The following THADA variants were observed in gnomAD, a reference collection of about 807,000 sequenced individuals.
The protein encoded by THADA is THADA armadillo repeat containing.
Under a neutral mutation model 219.8 loss-of-function variants are expected in THADA, and 213 were observed. The observed-to-expected ratio is 0.97, with a 90% confidence interval of 0.87 to 1.09. THADA has a LOEUF of 1.09. Ranked by LOEUF, THADA falls within the 50% of genes least tolerant of loss-of-function variation. The probability of loss-of-function intolerance (pLI) is 0.00; values close to 1 mark genes in which losing one functional copy is unlikely to be tolerated. For synonymous variants in THADA, 1,018 were observed against 828.9 expected, an observed-to-expected ratio of 1.23 and a Z score of -3.92; for missense variants, 2,956 against 2,311.3, an observed-to-expected ratio of 1.28 and a Z score of -5.72.
chr2:43,576,674 A>C (rs1699888198), intron 10 of THADA, among the ~76,000 whole-genome samples: 1 of 152,168 alleles, frequency 6.6e-6, no homozygotes, highest in Non-Finnish European at 1.5e-5. Flanking sequence ...TATTTTTTTA[A>C]GACAGGATCT....
At chr2:43,514,734 G>A (rs545394489) in intron 22 of THADA, among the ~76,000 whole-genome samples, 12 of 74,422 alleles carry the variant, frequency 1.6e-4, no homozygotes, top group South Asian at 1.3e-3. Context: ...TATATAATAT[G>A]TATAATATAT....
In THADA at chr2:43,320,504, A is replaced by C; in HGVS notation, c.4380T>G (p.Ile1460Met). The change falls in exon 31 of 38, where the codon ATT (isoleucine) becomes ATG (methionine). Residue 1460 changes from isoleucine (I) to methionine (M), a missense_variant. Coordinates refer to ENST00000405975, the MANE Select transcript of THADA (RefSeq NM_022065.5). Reference sequence around the variant, plus strand: ...AGCAAGTCAATAGGAAGAGAATATCAATATATACAGCTCTGGTCACCAAAC... The same window carrying C: ...AGCAAGTCAATAGGAAGAGAATATCCATATATACAGCTCTGGTCACCAAAC... ...NPCLVTRAVY[I>M]DILFLLTCCL... The C allele has an allele frequency of 6.2e-7, 1 of 1,613,674 alleles. No homozygotes were observed. Among genetic ancestry groups the C allele is most frequent in the Non-Finnish European group, 8.5e-7 (1 of 1,179,720 alleles).
At chr2:43,367,182 A>G (rs1670255317) in intron 29 of THADA, among the ~76,000 whole-genome samples, 1 of 152,184 alleles carries the variant, frequency 6.6e-6, no homozygotes, top group South Asian at 2.1e-4. Context: ...GCTGAGAGAA[A>G]GGAGAAATAG....
Position 43,592,408 on chromosome 2 carries a change from T to A in THADA, c.-16A>T, listed in dbSNP as rs148759092. On this transcript the variant is annotated 5_prime_UTR_variant, in exon 2 of 38. Transcript: ENST00000405975. Reference sequence around the variant, plus strand: ...TTACACCCATTTTAAATAGAATTAATAGTAGTCACTGCAAGAAAGAAGACT... The same window carrying A: ...TTACACCCATTTTAAATAGAATTAAAAGTAGTCACTGCAAGAAAGAAGACT... The A allele has an allele frequency of 9.0e-6, 14 of 1,551,476 alleles. No individual in the cohort carries two copies. Among genetic ancestry groups the A allele is most frequent in the Non-Finnish European group, 1.2e-5 (14 of 1,135,182 alleles).
At chr2:43,472,349 G>A (rs1015142183) in intron 26 of THADA, among the ~76,000 whole-genome samples, 1 of 152,224 alleles carries the variant, frequency 6.6e-6, no homozygotes, top group East Asian at 1.9e-4. Flanking sequence ...TGGTGGCACT[G>A]CAGACAGCCC....
intron 30 of THADA, among the ~76,000 whole-genome samples, chr2:43,329,886 G>A (rs937492039): frequency 1.3e-5 from 2 of 152,228 alleles, no homozygotes; most frequent in Admixed American, 6.5e-5. Context: ...TATGTTGATA[G>A]AGACTTCGTT....
At chr2:43,303,059 C>T (rs975792007) in intron 31 of THADA, among the ~76,000 whole-genome samples, 1 of 152,128 alleles carries the variant, frequency 6.6e-6, no homozygotes, top group Non-Finnish European at 1.5e-5. Context: ...TGAATTACAG[C>T]TTTGGAGAAG....
chr2:43,499,472 G>A (rs1051028257), intron 24 of THADA, among the ~76,000 whole-genome samples: 1 of 152,096 alleles, frequency 6.6e-6, no homozygotes, highest in African/African-American at 2.4e-5. Flanking sequence ...CACCTCCCAG[G>A]TTCAAGCGAT....
At chr2:43,308,212 G>A (rs1677079671) in intron 31 of THADA, among the ~76,000 whole-genome samples, 1 of 151,982 alleles carries the variant, frequency 6.6e-6, no homozygotes, top group African/African-American at 2.4e-5. Context: ...GAGAACAGTA[G>A]TACGTTATAC....
At chr2:43,531,524 A>G (rs959500000) in intron 21 of THADA, among the ~76,000 whole-genome samples, 9 of 152,240 alleles carry the variant, frequency 5.9e-5, no homozygotes, top group Non-Finnish European at 1.3e-4. Context: ...TTGGCAGTGT[A>G]GTCCATGAGC....
At chr2:43,573,140 T>C (rs913324191) in intron 11 of THADA, 148 bp from the exon 12 acceptor site, 1 of 638,388 alleles carries the variant, frequency 1.6e-6, no homozygotes, top group Non-Finnish European at 2.4e-6. Flanking sequence ...TTAAAGTTCC[T>C]ATTCTAAAAT....
At chr2:43,537,029 C>G (rs1004896876) in intron 21 of THADA, among the ~76,000 whole-genome samples, 1 of 152,178 alleles carries the variant, frequency 6.6e-6, no homozygotes, top group Non-Finnish European at 1.5e-5. Flanking sequence ...TCTAATTTCA[C>G]TTTGGTTAAA....
At chr2:43,540,514 A>G (rs1251872637) in intron 21 of THADA, among the ~76,000 whole-genome samples, 3 of 152,230 alleles carry the variant, frequency 2.0e-5, no homozygotes, top group African/African-American at 4.8e-5. Flanking sequence ...TACATGTTAT[A>G]TATCTTTGCT....
intron 28 of THADA, among the ~76,000 whole-genome samples, chr2:43,401,748 G>A (rs866264102): frequency 2.6e-5 from 4 of 152,112 alleles, no homozygotes; most frequent in Non-Finnish European, 5.9e-5. Flanking sequence ...AGCTCAGAAG[G>A]ATTCAGTGAA....
At chr2:43,462,540 T>G (rs1683757155) in intron 26 of THADA, among the ~76,000 whole-genome samples, 1 of 152,182 alleles carries the variant, frequency 6.6e-6, no homozygotes, top group Non-Finnish European at 1.5e-5. Flanking sequence ...ACATTCAGAT[T>G]CCTAGAGAAA....
intron 30 of THADA, among the ~76,000 whole-genome samples, chr2:43,321,217 CTT>C (rs1558576021): frequency 1.3e-5 from 2 of 152,140 alleles, no homozygotes. Context: ...GGCCTTGACT[CTT>C]GAGTGTCTTT....
chr2:43,405,325 A>T (rs1342370139), intron 28 of THADA, among the ~76,000 whole-genome samples: 1 of 152,180 alleles, frequency 6.6e-6, no homozygotes, highest in Non-Finnish European at 1.5e-5. Context: ...GAGAGAAACC[A>T]CACACACACA....
At chr2:43,364,137 T>TG (rs1669851417) in intron 29 of THADA, among the ~76,000 whole-genome samples, 1 of 152,138 alleles carries the variant, frequency 6.6e-6, no homozygotes, top group South Asian at 2.1e-4. Flanking sequence ...GGAGGGAGGA[T>TG]GGCTCGAGCT....
Position 43,294,502 on chromosome 2 carries a change from A to AT in THADA, c.4439-1290dup, listed in dbSNP as rs540292500. Among the ~76,000 whole-genome samples the AT allele has an allele frequency of 2.5e-3, 385 of 152,332 alleles. 1 individual carries two copies. Among genetic ancestry groups the AT allele is most frequent in the African/African-American group, 8.9e-3 (372 of 41,572 alleles). ...CCATCCCATAACACTGGAGCATAAA[A>AT]TTTGAGGTGGGAAAGGGCAGGAGAT... On this transcript the variant is annotated intron_variant, in intron 31 of 37. Coordinates refer to ENST00000405975, the MANE Select transcript of THADA (RefSeq NM_022065.5).
Sources: gnomAD v4.1 joint callset for allele counts (sites outside exome capture counted in the v4.1 genomes callset) on GRCh38, gnomAD v4.1.1 for gene constraint, MANE v1.5 for transcripts, NCBI Gene and HGNC (gene_info 2026-07-23, HGNC 2026-07-21) for gene names.